Variants in UTRN observed in about 807,000 individuals in gnomAD.
UTRN encodes the protein utrophin, also known as dystrophin-related protein 1.
A neutral mutation model predicts 463.9 loss-of-function variants in UTRN; 283 were observed. That is an observed-to-expected ratio of 0.61 (90% CI 0.55 to 0.67). The LOEUF (loss-of-function observed/expected upper bound fraction) is 0.67, where lower values mean the gene tolerates loss of function less well. Ranked by LOEUF, UTRN falls within the 30% of genes least tolerant of loss-of-function variation. The probability of loss-of-function intolerance (pLI) is 0.00; values close to 1 mark genes in which losing one functional copy is unlikely to be tolerated. For missense variants in UTRN, 3,922 were observed against 4,084.3 expected, an observed-to-expected ratio of 0.96 and a Z score of 1.08; for synonymous variants, 1,442 against 1,431.5, an observed-to-expected ratio of 1.01 and a Z score of -0.17.
At chr6:144,419,464 A>G (rs749721742) in intron 3 of UTRN, among the ~76,000 whole-genome samples, 3 of 152,222 alleles carry the variant, frequency 2.0e-5, no homozygotes, top group Non-Finnish European at 4.4e-5. Flanking sequence ...AAAAAGGCAC[A>G]TGCTAAAAAT....
chr6:144,663,656 G>A (rs192170595), intron 51 of UTRN, among the ~76,000 whole-genome samples: 2 of 152,194 alleles, frequency 1.3e-5, no homozygotes, highest in South Asian at 2.1e-4. Flanking sequence ...ATTTTTTGAT[G>A]TATGTGTCTG....
rs1339840981 is a variant in UTRN at position 144,445,590 on chromosome 6, T to G, written c.1614+1208T>G. ...CCCGCCCTCAATCTGTGGTCAGATT[T>G]TTCTTATTAGGAATCACAAAAGGGA... On this transcript the variant is annotated intron_variant, in intron 14 of 74. Transcript: ENST00000367545. Among the ~76,000 whole-genome samples, 3 of 151,524 alleles carry G rather than the reference T, an allele frequency of 2.0e-5. 1 individual carries two copies. In the South Asian group the frequency reaches 6.2e-4, roughly 32 times the overall value.
intron 65 of UTRN, among the ~76,000 whole-genome samples, chr6:144,819,038 T>C (rs964205291): frequency 7.2e-5 from 11 of 152,180 alleles, no homozygotes; most frequent in African/African-American, 2.7e-4. Context: ...TTGCTTTGCA[T>C]TTGGGAAGCC....
At chr6:144,381,372 A>G (rs113126600) in intron 2 of UTRN, among the ~76,000 whole-genome samples, 5,103 of 152,300 alleles carry the variant, frequency 0.034, 173 homozygotes, top group Admixed American at 0.12. Flanking sequence ...TTATGGCTGC[A>G]TAGTATTCCA....
intron 73 of UTRN, among the ~76,000 whole-genome samples, chr6:144,842,178 G>A (rs974007497): frequency 6.7e-6 from 1 of 149,768 alleles, no homozygotes; most frequent in Non-Finnish European, 1.5e-5. Context: ...TATCAGGAGT[G>A]TAGGTAAATA....
At chr6:144,717,112 A>G (rs909770746) in intron 53 of UTRN, among the ~76,000 whole-genome samples, 3 of 152,342 alleles carry the variant, frequency 2.0e-5, no homozygotes, top group Admixed American at 6.5e-5. Flanking sequence ...TGCCTCCAGC[A>G]ATGTGTGAAA....
intron 65 of UTRN, among the ~76,000 whole-genome samples, chr6:144,817,047 A>C (rs976509020): frequency 6.6e-6 from 1 of 152,178 alleles, no homozygotes; most frequent in Non-Finnish European, 1.5e-5. Context: ...CCATTTTTCT[A>C]GAAGCAGTGA....
In UTRN at chr6:144,606,106, T is replaced by G. The variant is rs574617185; in HGVS notation, c.7479+28818T>G. ...CTAATTGTACCTTGTCGACCTGAAA[T>G]GTGACAATGCAGTGATTGGTGATCA... is the stretch of plus-strand genomic sequence containing the variant. On this transcript the variant is annotated intron_variant, in intron 51 of 74. Transcript: ENST00000367545. Among the ~76,000 whole-genome samples the G allele has an allele frequency of 6.6e-5, 10 of 152,332 alleles. No individual in the cohort carries two copies. The South Asian group carries it at 1.7e-3, about 25-fold the overall frequency.
intron 51 of UTRN, among the ~76,000 whole-genome samples, chr6:144,595,857 A>C (rs2128633997): frequency 1.3e-5 from 2 of 152,316 alleles, no homozygotes; most frequent in Non-Finnish European, 2.9e-5. Flanking sequence ...GTAGTGAATA[A>C]CCTGAATTAA....
At chr6:144,473,673 C>A in intron 23 of UTRN, 47 bp from the exon 24 acceptor site, 2 of 1,500,270 alleles carry the variant, frequency 1.3e-6, no homozygotes, top group Non-Finnish European at 1.8e-6. Context: ...ATGTAGTAGG[C>A]TGAACGTCAC....
chr6:144,359,653 C>T (rs1394194669), intron 2 of UTRN, among the ~76,000 whole-genome samples: 1 of 150,986 alleles, frequency 6.6e-6, no homozygotes, highest in Admixed American at 6.6e-5. Context: ...TGATGAGCAT[C>T]TATTATATTT....
At chr6:144,522,820 T>C (rs1051217900) in intron 40 of UTRN, among the ~76,000 whole-genome samples, 196 bp from the exon 41 acceptor site, 1 of 152,084 alleles carries the variant, frequency 6.6e-6, no homozygotes, top group Non-Finnish European at 1.5e-5. Flanking sequence ...GAGTATATTA[T>C]GTAGCATATT....
chr6:144,528,315 C>A (rs558009755), intron 41 of UTRN, among the ~76,000 whole-genome samples: 5 of 152,306 alleles, frequency 3.3e-5, no homozygotes, highest in Non-Finnish European at 7.4e-5. Context: ...GGATTACAGG[C>A]ATGAGCCACT....
At chr6:144,483,688 A>T (rs1197022495) in intron 27 of UTRN, among the ~76,000 whole-genome samples, 4 of 152,178 alleles carry the variant, frequency 2.6e-5, no homozygotes, top group East Asian at 1.9e-4. Flanking sequence ...GGCTCAAGCC[A>T]TCCTCCTGCC....
intron 53 of UTRN, among the ~76,000 whole-genome samples, chr6:144,720,157 C>T (rs1786960646): frequency 6.6e-6 from 1 of 152,194 alleles, no homozygotes; most frequent in Non-Finnish European, 1.5e-5. Context: ...GTCAGCAACC[C>T]AGCCATTATG....
Position 144,285,605 on chromosome 6 carries a change from G to T in UTRN, c.-309G>T, listed in dbSNP as rs559603900. On this transcript the variant is annotated 5_prime_UTR_variant, in exon 1 of 75. Transcript: ENST00000367545. ...ATTGCACAAGTAAGGGGCGTTTTCAGTCGGGTGTCAATTTCTCTTTCTTTC... is the reference window on the plus strand; with the variant it reads ...ATTGCACAAGTAAGGGGCGTTTTCATTCGGGTGTCAATTTCTCTTTCTTTC... 1 of 152,382 alleles carries T rather than the reference G, an allele frequency of 6.6e-6. No individual in the cohort carries two copies. The highest frequency in any genetic ancestry group is 2.1e-4 in the South Asian group (1 of 4,826). 9.4% of individuals were successfully genotyped at this position (152,382 alleles called of 1,614,324 possible). A position where few individuals can be genotyped will look rare whatever the true frequency, so the allele number is the denominator to read the frequency against.
At chr6:144,698,108 C>T (rs1784206154) in intron 52 of UTRN, among the ~76,000 whole-genome samples, 1 of 152,112 alleles carries the variant, frequency 6.6e-6, no homozygotes, top group African/African-American at 2.4e-5. Context: ...AATTTATTTG[C>T]TGCAAAATGG....
chr6:144,393,010 TCC>T (rs1178772767), intron 2 of UTRN, among the ~76,000 whole-genome samples: 1 of 115,902 alleles, frequency 8.6e-6, no homozygotes, highest in Non-Finnish European at 1.5e-5. Context: ...CATCCATCCA[TCC>T]ATCCATCCAT....
intron 2 of UTRN, among the ~76,000 whole-genome samples, chr6:144,395,028 G>C (rs772065799): frequency 1.1e-4 from 17 of 152,054 alleles, no homozygotes; most frequent in Non-Finnish European, 1.5e-5. Context: ...TAATGAGATA[G>C]TTGCTTTTTC....
Sources: gnomAD v4.1 joint callset for allele counts (sites outside exome capture counted in the v4.1 genomes callset) on GRCh38, gnomAD v4.1.1 for gene constraint, MANE v1.5 for transcripts, NCBI Gene and HGNC (gene_info 2026-07-23, HGNC 2026-07-21) for gene names.